RNF216: variants seen among roughly 807,000 people sequenced by gnomAD.
The protein encoded by RNF216 is ring finger protein 216.
In RNF216, 72 loss-of-function variants were observed where a neutral mutation model predicts 110.8. The ratio of observed to expected loss-of-function variants is 0.65; its 90% CI spans 0.54 to 0.79. The LOEUF (loss-of-function observed/expected upper bound fraction) is 0.79. RNF216 is among the 30% of genes least tolerant of loss of function. The pLI is 0.00. For synonymous variants in RNF216, 495 were observed against 407.5 expected, an observed-to-expected ratio of 1.21 and a Z score of -2.59; for missense variants, 1,342 against 1,141.2, an observed-to-expected ratio of 1.18 and a Z score of -2.54.
At chr7:5,730,190 C>G (rs1253789118) in intron 6 of RNF216, among the ~76,000 whole-genome samples, 15 of 152,124 alleles carry the variant, frequency 9.9e-5, no homozygotes, top group Non-Finnish European at 8.8e-5. Context: ...GAAGTGTACT[C>G]ATGTTTTTGC....
chr7:5,656,941 G>C (rs2128581224), intron 13 of RNF216, among the ~76,000 whole-genome samples: 1 of 152,262 alleles, frequency 6.6e-6, no homozygotes, highest in African/African-American at 2.4e-5. Context: ...TGAGACCTTT[G>C]GGTCTGTTGG....
Position 5,711,826 on chromosome 7 carries a change from T to C in RNF216, c.1996A>G (p.Ser666Gly). 1 of 1,613,964 alleles carries C rather than the reference T, an allele frequency of 6.2e-7. No homozygotes were observed. Among genetic ancestry groups the C allele is most frequent in the Non-Finnish European group, 8.5e-7 (1 of 1,179,936 alleles). Residue 666 changes from serine (S) to glycine (G), a missense_variant, in exon 13 of 17, where the codon AGC becomes GGC. Ser to Gly is a moderately conservative substitution (Grantham distance 56, BLOSUM62 0). Coordinates refer to ENST00000389902, the MANE Select transcript of RNF216 (RefSeq NM_207111.4). ...ADELVRCPSC[S>G]FPALLDSDVK... ...TCACTGTCCAACAGAGCCGGAAAGC[T>C]ACAGGACGGGCACCTAGAGTCAGAA... is the stretch of plus-strand genomic sequence containing the variant.
intron 5 of RNF216, among the ~76,000 whole-genome samples, chr7:5,736,616 G>A (rs1488508982): frequency 6.6e-6 from 1 of 150,816 alleles, no homozygotes; most frequent in Middle Eastern, 3.3e-3. Flanking sequence ...CTGCCCGGCT[G>A]CCCAGTCTGG....
chr7:5,721,980 TG>T (rs1472607753), intron 8 of RNF216, among the ~76,000 whole-genome samples: 7 of 152,268 alleles, frequency 4.6e-5, no homozygotes, highest in African/African-American at 1.7e-4. Flanking sequence ...TGGAGTGCAG[TG>T]GCACATTCAC....
rs1791648170 is a variant in RNF216 at position 5,696,648 on chromosome 7, A to G, written c.2061+15113T>C. 6.6e-6 allele frequency among the ~76,000 whole-genome samples: 1 copy of G among 152,084 alleles called. No homozygotes were observed. The highest frequency in any genetic ancestry group is 2.4e-5 in the African/African-American group (1 of 41,392). On this transcript the variant is annotated intron_variant, in intron 13 of 16. Coordinates refer to ENST00000389902, the MANE Select transcript of RNF216 (RefSeq NM_207111.4). The surrounding 1 kb of genome is among the most constrained non-coding windows in gnomAD (Gnocchi z 5.4). Reference sequence around the variant, plus strand: ...TTGGCTGCTGCCATCCTCGCTTTTGACTACTGCCCCACGTCTCCCCTCTTG... The same window carrying G: ...TTGGCTGCTGCCATCCTCGCTTTTGGCTACTGCCCCACGTCTCCCCTCTTG...
intron 13 of RNF216, among the ~76,000 whole-genome samples, chr7:5,663,960 C>A (rs1789334601): frequency 6.6e-6 from 1 of 152,082 alleles, no homozygotes; most frequent in South Asian, 2.1e-4. Context: ...AGTGCCTATT[C>A]TGTGCCACAT....
chr7:5,667,327 A>G (rs1789595085), intron 13 of RNF216, among the ~76,000 whole-genome samples: 1 of 152,214 alleles, frequency 6.6e-6, no homozygotes, highest in African/African-American at 2.4e-5. Context: ...CAAACAAAAA[A>G]GTTTAAAAGC....
At chr7:5,766,399 C>T (rs901629396) in intron 1 of RNF216, among the ~76,000 whole-genome samples, 2 of 151,800 alleles carry the variant, frequency 1.3e-5, no homozygotes, top group Non-Finnish European at 2.9e-5. Context: ...GCTCTGACCT[C>T]CAATATAATG....
At chr7:5,663,405 C>G (rs1035085236) in intron 13 of RNF216, among the ~76,000 whole-genome samples, 1 of 151,652 alleles carries the variant, frequency 6.6e-6, no homozygotes, top group Non-Finnish European at 1.5e-5. Context: ...ACGGTGAAAC[C>G]CCCGTCTCTA....
intron 13 of RNF216, among the ~76,000 whole-genome samples, chr7:5,710,490 T>C (rs554139285): frequency 6.6e-6 from 1 of 152,264 alleles, no homozygotes; most frequent in South Asian, 2.1e-4. Flanking sequence ...CCAGGAAATG[T>C]AGTTCCCAGC....
In RNF216 at chr7:5,696,227, G is replaced by GA. The variant is rs934599133; in HGVS notation, c.2061+15533dup. The stretch of plus-strand genomic sequence containing the variant: ...TTGTATTTCTGTCAGGAGGCCCATG[G>GA]AAAAAAAGCAGGGCTCTCAGCAGCT... On this transcript the variant is annotated intron_variant, in intron 13 of 16. Coordinates refer to ENST00000389902, the MANE Select transcript of RNF216 (RefSeq NM_207111.4). The surrounding 1 kb of genome is among the most constrained non-coding windows in gnomAD (Gnocchi z 5.4). 3.3e-5 allele frequency among the ~76,000 whole-genome samples: 5 copies of GA among 152,106 alleles called. No individual in the cohort carries two copies. Among genetic ancestry groups the GA allele is most frequent in the African/African-American group, 1.2e-4 (5 of 41,426 alleles).
chr7:5,668,295 C>T (rs1443647857), intron 13 of RNF216, among the ~76,000 whole-genome samples: 2 of 149,348 alleles, frequency 1.3e-5, no homozygotes, highest in Admixed American at 6.7e-5. Context: ...GCAATCTTGG[C>T]TCACTGCAAG....
intron 13 of RNF216, among the ~76,000 whole-genome samples, chr7:5,662,775 G>A (rs562036788): frequency 5.8e-4 from 88 of 152,308 alleles, no homozygotes; most frequent in African/African-American, 1.8e-3. Flanking sequence ...GGAAACTAAA[G>A]CCAGGTAGGG....
At chr7:5,689,425 G>C (rs1791189521) in intron 13 of RNF216, among the ~76,000 whole-genome samples, 1 of 150,996 alleles carries the variant, frequency 6.6e-6, no homozygotes, top group African/African-American at 2.4e-5. Flanking sequence ...AGCCGAGGAG[G>C]CAGGGCGCCT....
At chr7:5,742,723 G>C (rs1794832766) in intron 3 of RNF216, among the ~76,000 whole-genome samples, 1 of 149,744 alleles carries the variant, frequency 6.7e-6, no homozygotes, top group Admixed American at 6.7e-5. Flanking sequence ...AGCCTCCCGA[G>C]TAGCTGGGAT....
chr7:5,737,212 A>G (rs1441347617), intron 5 of RNF216, among the ~76,000 whole-genome samples: 1 of 152,192 alleles, frequency 6.6e-6, no homozygotes, highest in Non-Finnish European at 1.5e-5. Flanking sequence ...CTGTTGATCT[A>G]TTACCTTACC....
At chr7:5,632,413 C>G (rs571730991) in intron 15 of RNF216, among the ~76,000 whole-genome samples, 106 of 152,360 alleles carry the variant, frequency 7.0e-4, no homozygotes, top group Admixed American at 2.1e-3. Flanking sequence ...ATTCTCAGCA[C>G]AGCTCCTTTC....
chr7:5,732,045 T>C (rs1562440603), intron 5 of RNF216, among the ~76,000 whole-genome samples: 1 of 152,088 alleles, frequency 6.6e-6, no homozygotes, highest in Non-Finnish European at 1.5e-5. Context: ...CCCGCTTCCC[T>C]ACCACCACAG....
intron 15 of RNF216, among the ~76,000 whole-genome samples, chr7:5,632,648 G>A (rs1271624531): frequency 3.9e-5 from 6 of 152,090 alleles, no homozygotes; most frequent in African/African-American, 7.2e-5. Flanking sequence ...GTGGTGGTGG[G>A]TGCCTGTAAT....
Sources: gnomAD v4.1 joint callset for allele counts (sites outside exome capture counted in the v4.1 genomes callset) on GRCh38, gnomAD v4.1.1 for gene constraint, Gnocchi (gnomAD v3.1) non-coding constraint, MANE v1.5 for transcripts, NCBI Gene and HGNC (gene_info 2026-07-23, HGNC 2026-07-21) for gene names.